Variants in WWC2 observed in about 807,000 individuals in gnomAD.
WWC2 encodes protein WWC2.
Under a neutral mutation model 138.5 loss-of-function variants are expected in WWC2, and 101 were observed. That is an observed-to-expected ratio of 0.73 (90% CI 0.62 to 0.86). WWC2 has a LOEUF of 0.86. WWC2 is among the 40% of genes least tolerant of loss of function. The pLI is 0.00. For missense variants in WWC2, 1,420 were observed against 1,419.4 expected (o/e 1.00, Z -0.01); for synonymous variants, 558 against 538.4 (o/e 1.04, Z -0.50).
chr4:183,260,570 C>T (rs559332994), intron 10 of WWC2, among the ~76,000 whole-genome samples: 2 of 152,296 alleles, frequency 1.3e-5, no homozygotes, highest in African/African-American at 4.8e-5. Context: ...TAATTGCCTA[C>T]AGTATTCAGA....
intron 1 of WWC2, among the ~76,000 whole-genome samples, chr4:183,122,037 C>T (rs562616737): frequency 7.9e-5 from 12 of 151,934 alleles, no homozygotes; most frequent in South Asian, 4.2e-4. Flanking sequence ...CGCCCGCTTC[C>T]GCCTCCCAAA....
At chr4:183,229,953 A>C (rs1346093878) in intron 4 of WWC2, among the ~76,000 whole-genome samples, 1 of 151,980 alleles carries the variant, frequency 6.6e-6, no homozygotes, top group Non-Finnish European at 1.5e-5. Flanking sequence ...GCTTCCTGAG[A>C]AGCTGAGACT....
intron 1 of WWC2, among the ~76,000 whole-genome samples, chr4:183,134,317 T>A (rs544976963): frequency 6.7e-6 from 1 of 149,952 alleles, no homozygotes; most frequent in East Asian, 1.9e-4. Context: ...GGGTTGATTT[T>A]ACTATTTTTT....
At chr4:183,174,797 T>TTC (rs751310767) in intron 1 of WWC2, among the ~76,000 whole-genome samples, 17 of 151,082 alleles carry the variant, frequency 1.1e-4, no homozygotes, top group Non-Finnish European at 2.2e-4. Flanking sequence ...TCCTTCTCCT[T>TTC]TCTCTCTCTC....
chr4:183,206,518 A>C (rs1735451242), intron 2 of WWC2, among the ~76,000 whole-genome samples: 1 of 152,244 alleles, frequency 6.6e-6, no homozygotes, highest in Admixed American at 6.5e-5. Context: ...TGAATACTAC[A>C]CACAGAAAAG....
chr4:183,133,062 C>A (rs1470201814), intron 1 of WWC2, among the ~76,000 whole-genome samples: 4 of 137,134 alleles, frequency 2.9e-5, no homozygotes, highest in Admixed American at 2.9e-4. Context: ...TTTTCCTTTT[C>A]TTTTTCCTTC....
rs1057432771 is a variant in WWC2, at chr4:183,099,715, C to T, written c.131+93C>T. The stretch of plus-strand genomic sequence containing the variant: ...CGCGGGGGGCTGGGGCGGCGCCGGC[C>T]CGCGGTGCCCCGAGGGGTCCCGGGA... On this transcript the variant is annotated intron_variant, in intron 1 of 22. Transcript: ENST00000403733. 8.4e-4 allele frequency: 950 copies of T among 1,126,514 alleles called. 1 individual carries two copies. Among genetic ancestry groups the T allele is most frequent in the Non-Finnish European group, 1.0e-3 (911 of 911,266 alleles). The allele number at this position is 1,126,514 out of a possible 1,614,324, so 69.8% of individuals were successfully genotyped here.
At chr4:183,248,985 C>G in intron 7 of WWC2, 125 bp downstream of exon 7, 1 of 961,694 alleles carries the variant, frequency 1.0e-6, no homozygotes, top group Non-Finnish European at 1.4e-6. Flanking sequence ...ATTCAGTGTT[C>G]CATTTTCGTA....
chr4:183,124,044 C>A (rs910219436), intron 1 of WWC2, among the ~76,000 whole-genome samples: 2 of 152,126 alleles, frequency 1.3e-5, no homozygotes, highest in African/African-American at 2.4e-5. Flanking sequence ...ATGTTCCTTG[C>A]AGTTTGGTAG....
intron 1 of WWC2, among the ~76,000 whole-genome samples, chr4:183,114,357 C>G (rs1732344633): frequency 6.6e-6 from 1 of 152,096 alleles, no homozygotes; most frequent in Non-Finnish European, 1.5e-5. Flanking sequence ...ACCTCTTTTC[C>G]TTATAAATTA....
chr4:183,271,751 C>T (rs892178790), intron 16 of WWC2, among the ~76,000 whole-genome samples: 1 of 152,152 alleles, frequency 6.6e-6, no homozygotes, highest in African/African-American at 2.4e-5. Context: ...GGCCTGTAAT[C>T]CCAGCACTTT....
At position 183,139,983 on chromosome 4, in the gene WWC2, C is replaced by T. The variant is rs140839648; in HGVS notation, c.131+40361C>T. ...GCACACCTCGACGCCCGGCCAATTT[C>T]GTATTTTTAGTAGAGACAGGGTTTC... On this transcript the variant is annotated intron_variant, in intron 1 of 22. Transcript: ENST00000403733. 3.9e-5 allele frequency among the ~76,000 whole-genome samples: 6 copies of T among 152,092 alleles called. 1 individual carries two copies. Among genetic ancestry groups the T allele is most frequent in the South Asian group, 4.2e-4 (2 of 4,814 alleles).
At position 183,236,434 on chromosome 4, in the gene WWC2, A is replaced by G. The variant is rs1736427063; in HGVS notation, c.523-3749A>G. ...ACGTACAGTGATATACAGGAATTGG[A>G]AGTGAGGTACAGAAACAGCGAGATT... On this transcript the variant is annotated intron_variant, in intron 4 of 22. Transcript: ENST00000403733. 3.3e-5 allele frequency among the ~76,000 whole-genome samples: 5 copies of G among 152,274 alleles called. No individual in the cohort carries two copies. The South Asian group carries it at 1.0e-3, about 32-fold the overall frequency.
rs773727662 is a variant in WWC2 at position 183,319,763 on chromosome 4, G to A, written c.*4034G>A. 83 of 1,613,918 alleles carry A rather than the reference G, an allele frequency of 5.1e-5. No individual in the cohort carries two copies. The highest frequency in any genetic ancestry group is 5.6e-5 in the Non-Finnish European group (66 of 1,179,964). On this transcript the variant is annotated 3_prime_UTR_variant, in exon 23 of 23. Coordinates refer to ENST00000403733, the MANE Select transcript of WWC2 (RefSeq NM_024949.6). ...CCCACCTGGGGACAAAGTCTGGGAC[G>A]TTCTCATCCCAGAACTCCTGAACCG...
intron 11 of WWC2, among the ~76,000 whole-genome samples, chr4:183,262,791 C>T (rs370352222): frequency 3.1e-4 from 47 of 149,928 alleles, no homozygotes; most frequent in African/African-American, 8.4e-4. Context: ...TGCGTGCGTG[C>T]GTGTGTGTGT....
intron 1 of WWC2, among the ~76,000 whole-genome samples, chr4:183,119,330 A>C (rs544976203): frequency 1.3e-5 from 2 of 152,336 alleles, no homozygotes; most frequent in South Asian, 4.1e-4. Context: ...GTTTAAGGAT[A>C]TATAGTGATA....
intron 14 of WWC2, among the ~76,000 whole-genome samples, chr4:183,268,304 G>A (rs1877288): frequency 0.83 from 126,009 of 152,176 alleles, 57,477 homozygotes; most frequent in East Asian, 1. Context: ...GTGCTCAGAA[G>A]AGTCACTTTA....
chr4:183,114,137 A>G (rs896373499), intron 1 of WWC2, among the ~76,000 whole-genome samples: 5 of 152,048 alleles, frequency 3.3e-5, no homozygotes, highest in African/African-American at 1.2e-4. Flanking sequence ...GTAGTGGGTG[A>G]GTTCTTGCAG....
rs146266573 is a variant in WWC2 at position 183,269,182 on chromosome 4, C to T, written c.2400+19C>T. 993 of 1,563,080 alleles carry T rather than the reference C, an allele frequency of 6.4e-4. 5 individuals are homozygous for T. The African/African-American group carries it at 0.012, about 20-fold the overall frequency. On this transcript the variant is annotated intron_variant, in intron 15 of 22. Transcript: ENST00000403733. The stretch of plus-strand genomic sequence containing the variant: ...ATGCCTGGTAGGATTCTTCATAATT[C>T]CCATTACCAAATAGCACTTAGATTG...
Sources: allele counts gnomAD v4.1 joint callset (sites outside exome capture counted in the v4.1 genomes callset), GRCh38; gene constraint gnomAD v4.1.1; transcripts MANE v1.5; gene names NCBI Gene and HGNC (gene_info 2026-07-23, HGNC 2026-07-21).